Variants in LGALSL observed in about 807,000 individuals in gnomAD.
LGALSL encodes the protein galectin-related protein.
Under a neutral mutation model 19.5 loss-of-function variants are expected in LGALSL, and 13 were observed. The ratio of observed to expected loss-of-function variants is 0.67; its 90% CI spans 0.43 to 1.06. The LOEUF is 1.06. LGALSL is among the 50% of genes least tolerant of loss of function. LGALSL has a pLI of 0.00. For missense variants in LGALSL, 189 were observed against 219.3 expected (o/e 0.86, Z 0.87); for synonymous variants, 86 against 78.3 (o/e 1.10, Z -0.52).
At chr2:64,455,283 C>T in intron 1 of LGALSL, 61 bp from the exon 2 acceptor site, 2 of 1,101,986 alleles carry the variant, frequency 1.8e-6, no homozygotes, top group South Asian at 1.2e-5. Flanking sequence ...TGTGTGGGTT[C>T]TTCCTCCAGC....
chr2:64,460,356 A>G lies in LGALSL; in HGVS notation c.*1928A>G, dbSNP rs1356605018. ...TTAACTTCTCATGGCTTGTCACTTA[A>G]AAGTCCCTAAATTTGAGAGACTTAA... On this transcript the variant is annotated 3_prime_UTR_variant, in exon 5 of 5. Transcript: ENST00000238875. The G allele has an allele frequency of 6.6e-6, 1 of 152,190 alleles. No individual in the cohort carries two copies. Among genetic ancestry groups the G allele is most frequent in the African/African-American group, 2.4e-5 (1 of 41,444 alleles). The allele number at this position is 152,190 out of a possible 1,614,324, so 9.4% of individuals were successfully genotyped here.
rs539664007 is a variant in LGALSL at position 64,455,394 on chromosome 2, G to T, written c.87G>T (p.Ala29=). The change falls in exon 2 of 5, where the codon GCG becomes GCT. Residue 29 remains alanine, a synonymous_variant. Coordinates refer to ENST00000238875, the MANE Select transcript of LGALSL (RefSeq NM_014181.3). The part of the protein sequence containing the change: ...LNNSLSSPVQ[A]DVYFPRLIVP... ...ACTCTTTGAGCTCTCCAGTTCAAGC[G>T]GACGTGTACTTCCCACGACTGGTAA... The T allele has an allele frequency of 5.5e-5, 88 of 1,613,504 alleles. 2 individuals carry two copies. The South Asian group carries it at 8.7e-4, about 16-fold the overall frequency.
intron 2 of LGALSL, 66 bp from the exon 3 acceptor site, chr2:64,455,523 G>T (rs999859815): frequency 8.0e-6 from 12 of 1,505,336 alleles, no homozygotes; most frequent in Non-Finnish European, 1.1e-5. Flanking sequence ...AGGCCTTCAG[G>T]GTCTGAGGTC....
Position 64,454,628 on chromosome 2 carries a change from C to T in LGALSL, c.36+47C>T. ...CGAGGCGCCCCTCCCCGCCGTCCCG[C>T]ACTCCGCCGCCGCCTGCTCCAGCAG... On this transcript the variant is annotated intron_variant, in intron 1 of 4. Coordinates refer to ENST00000238875, the MANE Select transcript of LGALSL (RefSeq NM_014181.3). This position sits in a 1 kb window ranked among gnomAD's most constrained non-coding sequence, Gnocchi z 5.1. 1 of 1,283,440 alleles carries T rather than the reference C, an allele frequency of 7.8e-7. No homozygotes were observed. Among genetic ancestry groups the T allele is most frequent in the Non-Finnish European group, 1.0e-6 (1 of 1,000,836 alleles). 79.5% of individuals were successfully genotyped at this position (1,283,440 alleles called of 1,614,324 possible). A position where few individuals can be genotyped will look rare whatever the true frequency, so the allele number is the denominator to read the frequency against.
At chr2:64,455,254 T>G in intron 1 of LGALSL, 90 bp from the exon 2 acceptor site, 2 of 846,006 alleles carry the variant, frequency 2.4e-6, no homozygotes, top group Non-Finnish European at 4.2e-6. Context: ...TGTGGAAGGC[T>G]GCTGGATTCC....
At position 64,458,876 on chromosome 2, in the gene LGALSL, T is replaced by C. The variant is rs1375725166; in HGVS notation, c.*448T>C. On this transcript the variant is annotated 3_prime_UTR_variant, in exon 5 of 5. Transcript: ENST00000238875. ...ATGTAGGTTGTTCAAGGTTTGACTT[T>C]TTTTTTGTTTTTTGTTTTTGTTTTT... 1 of 153,336 alleles carries C rather than the reference T, an allele frequency of 6.5e-6. No individual in the cohort carries two copies. The highest frequency in any genetic ancestry group is 2.4e-5 in the African/African-American group (1 of 41,490). The allele number at this position is 153,336 out of a possible 1,614,324, so 9.5% of individuals were successfully genotyped here.
rs1047121889 is a variant in LGALSL, at chr2:64,454,327, G to A, written c.-219G>A. Reference sequence around the variant, plus strand: ...GTTCTGGGCCGCGGCAAGCACCTTCGCCCTCCCAGCTCGCGCTGCCTCCCT... The same window carrying A: ...GTTCTGGGCCGCGGCAAGCACCTTCACCCTCCCAGCTCGCGCTGCCTCCCT... On this transcript the variant is annotated 5_prime_UTR_variant, in exon 1 of 5. Transcript: ENST00000238875. This position sits in a 1 kb window ranked among gnomAD's most constrained non-coding sequence, Gnocchi z 5.1. 1.3e-5 allele frequency: 5 copies of A among 393,190 alleles called. No homozygotes were observed. Among genetic ancestry groups the A allele is most frequent in the African/African-American group, 4.2e-5 (2 of 48,192 alleles). The allele number at this position is 393,190 out of a possible 1,614,324, so 24.4% of individuals were successfully genotyped here.
Position 64,455,377 on chromosome 2 carries a change from A to G in LGALSL, c.70A>G (p.Ser24Gly). 1 of 1,613,878 alleles carries G rather than the reference A, an allele frequency of 6.2e-7. No homozygotes were observed. Among genetic ancestry groups the G allele is most frequent in the Non-Finnish European group, 8.5e-7 (1 of 1,179,782 alleles). The change falls in exon 2 of 5, where the codon AGC becomes GGC. Residue 24 changes from serine to glycine, a missense_variant. Transcript: ENST00000238875. ...TGATGGCCATTTAAACAACTCTTTGAGCTCTCCAGTTCAAGCGGACGTGTA... is the reference window on the plus strand; with the variant it reads ...TGATGGCCATTTAAACAACTCTTTGGGCTCTCCAGTTCAAGCGGACGTGTA... ...LDDGHLNNSL[S>G]SPVQADVYFP...
intron 1 of LGALSL, 34 bp from the exon 2 acceptor site, chr2:64,455,310 C>G: frequency 6.8e-7 from 1 of 1,467,454 alleles, no homozygotes; most frequent in Non-Finnish European, 9.6e-7. Flanking sequence ...AAAAAGAGCC[C>G]ATGGAAAGCC....
In LGALSL at chr2:64,456,299, G is replaced by C. The variant is rs751236710; in HGVS notation, c.209G>C (p.Ser70Thr). 28 of 1,611,686 alleles carry C rather than the reference G, an allele frequency of 1.7e-5. No individual in the cohort carries two copies. The highest frequency in any genetic ancestry group is 2.2e-5 in the Non-Finnish European group (26 of 1,179,134). ...VDLNPESFAI[S>T]LTCGDSEDPP... ...GATTTTCTTTTCAGCTTTGCAATCA[G>C]CTTGACCTGTGGGGACTCAGAAGAC... The change falls in exon 4 of 5, where the codon AGC (serine) becomes ACC (threonine). Residue 70 changes from serine to threonine, a missense_variant. By Grantham distance (58) the Ser-to-Thr change is moderately conservative. Transcript: ENST00000238875.
rs562191721 is a variant in LGALSL, at chr2:64,460,341, A to G, written c.*1913A>G. The G allele has an allele frequency of 3.9e-5, 6 of 152,242 alleles. No individual in the cohort carries two copies. In the East Asian group the frequency reaches 1.2e-3, roughly 29 times the overall value. The allele number at this position is 152,242 out of a possible 1,614,324, so 9.4% of individuals were successfully genotyped here. A position where few individuals can be genotyped will look rare whatever the true frequency, so the allele number is the denominator to read the frequency against. ...TTTTCAAGCCTGTGATTAACTTCTC[A>G]TGGCTTGTCACTTAAAAGTCCCTAA... is the stretch of plus-strand genomic sequence containing the variant. On this transcript the variant is annotated 3_prime_UTR_variant, in exon 5 of 5. Coordinates refer to ENST00000238875, the MANE Select transcript of LGALSL (RefSeq NM_014181.3).
chr2:64,454,858 C>T lies in LGALSL; in HGVS notation c.36+277C>T, dbSNP rs1686706875. ...AGCCCCCTCTGTGCCGTGCAACCGC[C>T]AGCCAGGTGTGCGCGTGGGTGAGTG... On this transcript the variant is annotated intron_variant, in intron 1 of 4. Transcript: ENST00000238875. The surrounding 1 kb of genome is among the most constrained non-coding windows in gnomAD (Gnocchi z 5.1). Among the ~76,000 whole-genome samples the T allele has an allele frequency of 6.6e-6, 1 of 151,854 alleles. No individual in the cohort carries two copies. Among genetic ancestry groups the T allele is most frequent in the Admixed American group, 6.6e-5 (1 of 15,266 alleles).
chr2:64,460,532 AC>A lies in LGALSL; in HGVS notation c.*2105del, dbSNP rs1686809432. The stretch of plus-strand genomic sequence containing the variant: ...AGGGCGTGTACTGATTGGAATTGAC[AC>A]GCTTATTCTGTCTACCTATCAGCTA... On this transcript the variant is annotated 3_prime_UTR_variant, in exon 5 of 5. Transcript: ENST00000238875. 6.6e-6 allele frequency: 1 copy of A among 152,170 alleles called. No homozygotes were observed. Among genetic ancestry groups the A allele is most frequent in the East Asian group, 1.9e-4 (1 of 5,204 alleles). 9.4% of individuals were successfully genotyped at this position (152,170 alleles called of 1,614,324 possible). A position where few individuals can be genotyped will look rare whatever the true frequency, so the allele number is the denominator to read the frequency against.
In LGALSL at chr2:64,456,831, G is replaced by C. The variant is rs553588873; in HGVS notation, c.375+366G>C. 4.6e-5 allele frequency among the ~76,000 whole-genome samples: 7 copies of C among 152,300 alleles called. No individual in the cohort carries two copies. In the East Asian group the frequency reaches 1.3e-3, roughly 29 times the overall value. ...ATTAAATATTAATATTAATAAGGTT[G>C]AGAGCTAATAAGTAGCTCTTTTATT... On this transcript the variant is annotated intron_variant, in intron 4 of 4. Transcript: ENST00000238875.
rs1200165474 is a variant in LGALSL, at chr2:64,459,346, AAC to A, written c.*922_*923del. 2 of 152,234 alleles carry A rather than the reference AAC, an allele frequency of 1.3e-5. No individual in the cohort carries two copies. The highest frequency in any genetic ancestry group is 1.9e-4 in the East Asian group (1 of 5,206). The allele number at this position is 152,234 out of a possible 1,614,324, so 9.4% of individuals were successfully genotyped here. ...GCTCATTAAGTTGTTATTAATCAAA[AAC>A]ACAAAGAGGTGATTGCTTAGACAAT... On this transcript the variant is annotated 3_prime_UTR_variant, in exon 5 of 5. Coordinates refer to ENST00000238875, the MANE Select transcript of LGALSL (RefSeq NM_014181.3).
Position 64,455,604 on chromosome 2 carries a change from G to A in LGALSL, c.124G>A (p.Gly42Arg). 1 of 1,613,798 alleles carries A rather than the reference G, an allele frequency of 6.2e-7. No individual in the cohort carries two copies. The highest frequency in any genetic ancestry group is 8.5e-7 in the Non-Finnish European group (1 of 1,179,736). Residue 42 changes from glycine to arginine, a missense_variant, in exon 3 of 5, where the codon GGG becomes AGG. Coordinates refer to ENST00000238875, the MANE Select transcript of LGALSL (RefSeq NM_014181.3). ...CCCTTTTCAGATAGTTCCATTTTGT[G>A]GGCACATTAAAGGTGGCATGAGACC... The part of the protein sequence containing the change: ...YFPRLIVPFC[G>R]HIKGGMRPGK...
At position 64,460,316 on chromosome 2, in the gene LGALSL, T is replaced by C. The variant is rs1686805000; in HGVS notation, c.*1888T>C. 1 of 152,218 alleles carries C rather than the reference T, an allele frequency of 6.6e-6. No individual in the cohort carries two copies. The highest frequency in any genetic ancestry group is 2.4e-5 in the African/African-American group (1 of 41,448). 9.4% of individuals were successfully genotyped at this position (152,218 alleles called of 1,614,324 possible). ...GGGGGCTGTTCTGTGGTTCCAGGTA[T>C]TTTCAAGCCTGTGATTAACTTCTCA... On this transcript the variant is annotated 3_prime_UTR_variant, in exon 5 of 5. Transcript: ENST00000238875.
At position 64,454,656 on chromosome 2, in the gene LGALSL, C is replaced by CT; in HGVS notation, c.36+76dup. 9.2e-7 allele frequency: 1 copy of CT among 1,091,952 alleles called. No homozygotes were observed. The highest frequency in any genetic ancestry group is 1.6e-5 in the African/African-American group (1 of 60,814). The allele number at this position is 1,091,952 out of a possible 1,614,324, so 67.6% of individuals were successfully genotyped here. On this transcript the variant is annotated intron_variant, in intron 1 of 4. Coordinates refer to ENST00000238875, the MANE Select transcript of LGALSL (RefSeq NM_014181.3). The surrounding 1 kb of genome is among the most constrained non-coding windows in gnomAD (Gnocchi z 5.1). ...TCCGCCGCCGCCTGCTCCAGCAGTG[C>CT]TGGGGTGCTGAGCAGCCGCAGGCCC...
At chr2:64,457,553 A>T (rs1200518288) in intron 4 of LGALSL, among the ~76,000 whole-genome samples, 1 of 152,356 alleles carries the variant, frequency 6.6e-6, no homozygotes, top group East Asian at 1.9e-4. Context: ...TCCATGTTAC[A>T]TGTGAGCCCA....
Sources: allele counts gnomAD v4.1 joint callset (sites outside exome capture counted in the v4.1 genomes callset), GRCh38; gene constraint gnomAD v4.1.1; non-coding constraint Gnocchi (gnomAD v3.1); transcripts MANE v1.5; gene names NCBI Gene and HGNC (gene_info 2026-07-23, HGNC 2026-07-21).